Variants in PAK1 observed in about 807,000 individuals in gnomAD.
PAK1 encodes serine/threonine-protein kinase PAK 1.
In PAK1, 29 loss-of-function variants were observed where a neutral mutation model predicts 67.4. The ratio of observed to expected loss-of-function variants is 0.43; its 90% CI spans 0.32 to 0.59. The LOEUF is 0.59. Ranked by LOEUF, PAK1 falls within the 20% of genes least tolerant of loss-of-function variation. The pLI, the probability that PAK1 is intolerant of heterozygous loss-of-function variation, is 0.07. For synonymous variants in PAK1, 223 were observed against 237.4 expected, an observed-to-expected ratio of 0.94 and a Z score of 0.56; for missense variants, 337 against 670.7, an observed-to-expected ratio of 0.50 and a Z score of 5.50.
intron 1 of PAK1, among the ~76,000 whole-genome samples, chr11:77,472,266 C>T (rs1488018210): frequency 1.3e-5 from 2 of 152,144 alleles, no homozygotes; most frequent in Non-Finnish European, 2.9e-5. Context: ...TTTTCAGGGT[C>T]AATGTTCCCA....
chr11:77,455,470 TC>T (rs1259873179), intron 1 of PAK1, among the ~76,000 whole-genome samples: 1 of 152,134 alleles, frequency 6.6e-6, no homozygotes, highest in Non-Finnish European at 1.5e-5. Flanking sequence ...GCAGCATAGT[TC>T]TCTATCTAGC....
At chr11:77,477,370 C>G (rs554927882), upstream of PAK1, among the ~76,000 whole-genome samples, 1 of 152,026 alleles carries the variant, frequency 6.6e-6, no homozygotes, top group Non-Finnish European at 1.5e-5. Flanking sequence ...TAAATAAAGA[C>G]CAAAACACCT....
chr11:77,411,897 C>A (rs1395751866), intron 1 of PAK1: 1 of 152,296 alleles, frequency 6.6e-6, no homozygotes, highest in East Asian at 1.9e-4. Flanking sequence ...TTCAGCTGGG[C>A]TGGGCTCCTG....
chr11:77,503,598 CATG>C, the PAK1 span, among the ~76,000 whole-genome samples: 1 of 152,232 alleles, frequency 6.6e-6, no homozygotes, highest in Non-Finnish European at 1.5e-5. Context: ...CATGGTAGCT[CATG>C]CCTGTAATTC....
At chr11:77,470,244 T>G (rs992295458) in intron 1 of PAK1, among the ~76,000 whole-genome samples, 3 of 152,198 alleles carry the variant, frequency 2.0e-5, no homozygotes, top group African/African-American at 7.2e-5. Context: ...CCTCTTAAAA[T>G]TTTTTAAAAG....
the PAK1 span, among the ~76,000 whole-genome samples, chr11:77,529,029 A>G: frequency 6.6e-6 from 1 of 152,020 alleles, no homozygotes; most frequent in African/African-American, 2.4e-5. Flanking sequence ...TCAACCATTC[A>G]CCTAATAATT....
rs533203748 is a variant in PAK1, at chr11:77,422,882, A to C, written c.-21-30341T>G. Among the ~76,000 whole-genome samples, 3 of 152,276 alleles carry C rather than the reference A, an allele frequency of 2.0e-5. No homozygotes were observed. In the South Asian group the frequency reaches 6.2e-4, roughly 32 times the overall value. On this transcript the variant is annotated intron_variant, in intron 1 of 14. Coordinates refer to ENST00000356341, the MANE Select transcript of PAK1 (RefSeq NM_002576.5). Reference sequence around the variant, plus strand: ...ACAGTAGCCTAGTAACCTTGAGGTCATAAGTACAAGAGTGAAAAGCACACA... The same window carrying C: ...ACAGTAGCCTAGTAACCTTGAGGTCCTAAGTACAAGAGTGAAAAGCACACA...
At chr11:77,354,621 G>T (rs1945751921) in intron 7 of PAK1, among the ~76,000 whole-genome samples, 1 of 152,154 alleles carries the variant, frequency 6.6e-6, no homozygotes, top group African/African-American at 2.4e-5. Context: ...ACATACAGGA[G>T]TAAACAGATG....
At chr11:77,521,914 G>A in the PAK1 span, among the ~76,000 whole-genome samples, 1 of 152,170 alleles carries the variant, frequency 6.6e-6, no homozygotes, top group Non-Finnish European at 1.5e-5. Flanking sequence ...AGCAGGGTTA[G>A]CCGAAAATGT....
At chr11:77,342,219 A>G (rs976555338) in intron 10 of PAK1, among the ~76,000 whole-genome samples, 1 of 149,498 alleles carries the variant, frequency 6.7e-6, no homozygotes, top group Non-Finnish European at 1.5e-5. Flanking sequence ...CCATGACCTT[A>G]CAGAGGTATT....
chr11:77,337,034 C>A (rs1371646527), intron 12 of PAK1, among the ~76,000 whole-genome samples: 1 of 150,740 alleles, frequency 6.6e-6, no homozygotes, highest in Non-Finnish European at 1.5e-5. Context: ...GTTTTCCATA[C>A]TAGATTGAGA....
At chr11:77,508,652 A>G in the PAK1 span, among the ~76,000 whole-genome samples, 2 of 143,248 alleles carry the variant, frequency 1.4e-5, no homozygotes, top group Non-Finnish European at 1.5e-5. Flanking sequence ...TCCCCTACAT[A>G]GAGATTCTTT....
chr11:77,465,670 A>C (rs1055937248), intron 1 of PAK1, among the ~76,000 whole-genome samples: 1 of 152,196 alleles, frequency 6.6e-6, no homozygotes, highest in African/African-American at 2.4e-5. Context: ...ATGTTATAAA[A>C]TAGTAATTCT....
chr11:77,376,996 G>A (rs1949176883), intron 4 of PAK1, among the ~76,000 whole-genome samples: 1 of 151,968 alleles, frequency 6.6e-6, no homozygotes, highest in Non-Finnish European at 1.5e-5. Flanking sequence ...TCACATGAGG[G>A]AGCCAGGCTC....
At chr11:77,452,787 T>C (rs1227318003) in intron 1 of PAK1, among the ~76,000 whole-genome samples, 2 of 152,174 alleles carry the variant, frequency 1.3e-5, no homozygotes, top group African/African-American at 4.8e-5. Flanking sequence ...GCACATCTAA[T>C]AACAAGCCAA....
the PAK1 span, among the ~76,000 whole-genome samples, chr11:77,503,926 C>T: frequency 5.8e-3 from 878 of 152,302 alleles, 5 homozygotes; most frequent in African/African-American, 0.02. Flanking sequence ...TCTCCTCTCT[C>T]TCCAGCCCAG....
At chr11:77,481,875 T>G in the PAK1 span, among the ~76,000 whole-genome samples, 107 of 152,276 alleles carry the variant, frequency 7.0e-4, no homozygotes, top group African/African-American at 2.2e-3. Context: ...CTACTATATC[T>G]CTAGAGCTTG....
chr11:77,459,961 G>A (rs1238416534), intron 1 of PAK1, among the ~76,000 whole-genome samples: 7 of 152,094 alleles, frequency 4.6e-5, no homozygotes, highest in Non-Finnish European at 8.8e-5. Context: ...CTCCCAAAGT[G>A]CTGGGATTAC....
chr11:77,399,529 T>C lies in PAK1; in HGVS notation c.-21-6988A>G, dbSNP rs115625301. 3.8e-3 allele frequency among the ~76,000 whole-genome samples: 573 copies of C among 152,254 alleles called. 6 individuals are homozygous for C. The highest frequency in any genetic ancestry group is 0.013 in the African/African-American group (534 of 41,552). On this transcript the variant is annotated intron_variant, in intron 1 of 14. Coordinates refer to ENST00000356341, the MANE Select transcript of PAK1 (RefSeq NM_002576.5). The stretch of plus-strand genomic sequence containing the variant: ...GTGCTGAAGTACTCAGGGAGAAGTA[T>C]ATTAATATCTGTAATTTATTTTCAA...
Sources: allele counts gnomAD v4.1 joint callset (sites outside exome capture counted in the v4.1 genomes callset), GRCh38; gene constraint gnomAD v4.1.1; transcripts MANE v1.5; gene names NCBI Gene and HGNC (gene_info 2026-07-23, HGNC 2026-07-21).